VHL: variants seen among roughly 807,000 people sequenced by gnomAD.
VHL encodes the protein von Hippel-Lindau disease tumor suppressor.
A neutral mutation model predicts 19.2 loss-of-function variants in VHL; 10 were observed. The ratio of observed to expected loss-of-function variants is 0.52; its 90% CI spans 0.32 to 0.89. The LOEUF (loss-of-function observed/expected upper bound fraction) is 0.89. Ranked by LOEUF, VHL falls within the 40% of genes least tolerant of loss-of-function variation. The pLI is 0.03. For missense variants in VHL, 328 were observed against 292.7 expected, an observed-to-expected ratio of 1.12 and a Z score of -0.88; for synonymous variants, 167 against 129.5, an observed-to-expected ratio of 1.29 and a Z score of -1.97.
At chr3:10,149,640 A>C in intron 2 of VHL, 147 bp from the exon 3 acceptor site, 3 of 729,648 alleles carry the variant, frequency 4.1e-6, no homozygotes, top group Non-Finnish European at 7.3e-6. Context: ...TCAGCATAAC[A>C]CACTGCCACA....
At chr3:10,148,042 G>A (rs2125129407) in intron 2 of VHL, among the ~76,000 whole-genome samples, 1 of 151,792 alleles carries the variant, frequency 6.6e-6, no homozygotes, top group East Asian at 1.9e-4. Flanking sequence ...GCTGCAGTGA[G>A]CCATGATCAT....
rs1252338161 is a variant in VHL at position 10,141,993 on chromosome 3, G to A, written c.146G>A (p.Gly49Asp). 2 of 1,575,338 alleles carry A rather than the reference G, an allele frequency of 1.3e-6. No homozygotes were observed. Among genetic ancestry groups the A allele is most frequent in the Non-Finnish European group, 1.7e-6 (2 of 1,162,042 alleles). Reference protein sequence around the residue: ...GPEESGPEELGAEEEMEAGRP... With the variant: ...GPEESGPEELDAEEEMEAGRP... Reference sequence around the variant, plus strand: ...GAAGAGTCCGGCCCGGAGGAACTGGGCGCCGAGGAGGAGATGGAGGCCGGG... The same window carrying A: ...GAAGAGTCCGGCCCGGAGGAACTGGACGCCGAGGAGGAGATGGAGGCCGGG... Residue 49 changes from glycine (G) to aspartate (D), a missense_variant, in exon 1 of 3, where the codon GGC becomes GAC. By Grantham distance (94) the Gly-to-Asp change is moderately conservative. Coordinates refer to ENST00000256474, the MANE Select transcript of VHL (RefSeq NM_000551.4).
chr3:10,141,793 G>A lies in VHL; in HGVS notation c.-55G>A. The A allele has an allele frequency of 1.3e-6, 2 of 1,533,758 alleles. No homozygotes were observed. Among genetic ancestry groups the A allele is most frequent in the South Asian group, 1.2e-5 (1 of 83,194 alleles). On this transcript the variant is annotated 5_prime_UTR_variant, in exon 1 of 3. Transcript: ENST00000256474. ...GAGCGCGCACGCAGCTCCGCCCCGC[G>A]TCCGACCCGCGGATCCCGCGGCGTC...
Position 10,142,008 on chromosome 3 carries a change from T to TG in VHL, c.163dup (p.Glu55GlyfsTer77), listed in dbSNP as rs869025615. On this transcript the variant is annotated frameshift_variant, in exon 1 of 3. Coordinates refer to ENST00000256474, the MANE Select transcript of VHL (RefSeq NM_000551.4). LOFTEE classifies it high-confidence loss of function. ...GAGGAACTGGGCGCCGAGGAGGAGA[T>TG]GGAGGCCGGGCGGCCGCGGCCCGTG... 1 of 1,587,584 alleles carries TG rather than the reference T, an allele frequency of 6.3e-7. No individual in the cohort carries two copies. Among genetic ancestry groups the TG allele is most frequent in the Non-Finnish European group, 8.6e-7 (1 of 1,168,624 alleles).
At chr3:10,145,742 T>C (rs185958607) in intron 1 of VHL, among the ~76,000 whole-genome samples, 33 of 151,636 alleles carry the variant, frequency 2.2e-4, no homozygotes, top group African/African-American at 8.0e-4. Context: ...AAAATTCTGG[T>C]ATAATTTACA....
In VHL at chr3:10,146,572, T is replaced by C. The variant is rs750301189; in HGVS notation, c.399T>C (p.Thr133=). The C allele has an allele frequency of 6.2e-7, 1 of 1,614,032 alleles. No individual in the cohort carries two copies. The highest frequency in any genetic ancestry group is 8.5e-7 in the Non-Finnish European group (1 of 1,179,922). ...ACGATGGGCTTCTGGTTAACCAAAC[T>C]GAATTATTTGTGCCATCTCTCAATG... is the stretch of plus-strand genomic sequence containing the variant. ...GTHDGLLVNQ[T]ELFVPSLNVD... is the part of the protein sequence containing the mutation. The change falls in exon 2 of 3, where the codon ACT becomes ACC. Residue 133 remains threonine, a synonymous_variant. Coordinates refer to ENST00000256474, the MANE Select transcript of VHL (RefSeq NM_000551.4).
chr3:10,148,467 A>C, intron 2 of VHL, among the ~76,000 whole-genome samples: 1 of 149,978 alleles, frequency 6.7e-6, no homozygotes, highest in East Asian at 2.0e-4. Context: ...GGCGCCCGCC[A>C]CTACGCCCGG....
intron 2 of VHL, among the ~76,000 whole-genome samples, chr3:10,147,681 T>A (rs78320262): frequency 0.026 from 3,939 of 151,658 alleles, 182 homozygotes; most frequent in African/African-American, 0.091. Flanking sequence ...TTTTTTTTTT[T>A]AAATCATTGA....
chr3:10,141,836 A>C lies in VHL; in HGVS notation c.-12A>C. ...GCGGCGTCCGGCCCGGGTGGTCTGG[A>C]TCGCGGAGGGAATGCCCCGGAGGGC... On this transcript the variant is annotated 5_prime_UTR_variant, in exon 1 of 3. Coordinates refer to ENST00000256474, the MANE Select transcript of VHL (RefSeq NM_000551.4). 3 of 1,536,714 alleles carry C rather than the reference A, an allele frequency of 2.0e-6. No individual in the cohort carries two copies. In the East Asian group the frequency reaches 7.4e-5, roughly 38 times the overall value.
chr3:10,150,582 T>G lies in VHL; in HGVS notation c.*617T>G, dbSNP rs1482107025. ...AGAGGGGACCTTAAAATGTGTACAGTGAACAAATGTCTTAAAGGGAATCAT... is the reference window on the plus strand; with the variant it reads ...AGAGGGGACCTTAAAATGTGTACAGGGAACAAATGTCTTAAAGGGAATCAT... On this transcript the variant is annotated 3_prime_UTR_variant, in exon 3 of 3. Coordinates refer to ENST00000256474, the MANE Select transcript of VHL (RefSeq NM_000551.4). The G allele has an allele frequency of 4.1e-6, 1 of 241,866 alleles. No homozygotes were observed. Among genetic ancestry groups the G allele is most frequent in the Non-Finnish European group, 8.1e-6 (1 of 123,056 alleles). The allele number at this position is 241,866 out of a possible 1,614,324, so 15.0% of individuals were successfully genotyped here.
intron 1 of VHL, among the ~76,000 whole-genome samples, 198 bp downstream of exon 1, chr3:10,142,385 G>T (rs1349048546): frequency 7.4e-6 from 1 of 134,476 alleles, no homozygotes; most frequent in East Asian, 2.1e-4. Flanking sequence ...TCGCTCTGTC[G>T]CCCAGGCTGG....
In VHL at chr3:10,150,643, G is replaced by A. The variant is rs562171276; in HGVS notation, c.*678G>A. 8 of 234,610 alleles carry A rather than the reference G, an allele frequency of 3.4e-5. No individual in the cohort carries two copies. Among genetic ancestry groups the A allele is most frequent in the East Asian group, 3.0e-4 (5 of 16,532 alleles). The allele number at this position is 234,610 out of a possible 1,614,324, so 14.5% of individuals were successfully genotyped here. A position where few individuals can be genotyped will look rare whatever the true frequency, so the allele number is the denominator to read the frequency against. ...AGCATTTTTTATAATTTTCTAAGTC[G>A]TGCACTTTCTCGGTCCACTCTTGTT... On this transcript the variant is annotated 3_prime_UTR_variant, in exon 3 of 3. Transcript: ENST00000256474.
chr3:10,149,689 T>A (rs1022835238), intron 2 of VHL, 98 bp from the exon 3 acceptor site: 2 of 1,052,006 alleles, frequency 1.9e-6, no homozygotes, highest in African/African-American at 1.6e-5. Flanking sequence ...TAAAGTGAGA[T>A]CCATCAGTAG....
chr3:10,146,960 G>C (rs946385444), intron 2 of VHL, among the ~76,000 whole-genome samples: 2 of 152,184 alleles, frequency 1.3e-5, no homozygotes, highest in Non-Finnish European at 2.9e-5. Context: ...GGAGTTCCAG[G>C]AGAACAATGT....
chr3:10,142,296 G>T (rs1025407322), intron 1 of VHL, 109 bp downstream of exon 1: 9 of 1,254,890 alleles, frequency 7.2e-6, no homozygotes, highest in Admixed American at 6.2e-5. Context: ...GCCCCTTGAG[G>T]CAGGACACAT....
In VHL at chr3:10,152,369, C is replaced by CA. The variant is rs564788050; in HGVS notation, c.*2419dup. On this transcript the variant is annotated 3_prime_UTR_variant, in exon 3 of 3. Coordinates refer to ENST00000256474, the MANE Select transcript of VHL (RefSeq NM_000551.4). ...GTGTGACAGAGCAATACTCTTGTCT[C>CA]AAAAAAAAAAAAAAATTCAAATCAG... is the stretch of plus-strand genomic sequence containing the variant. The CA allele has an allele frequency of 0.029, 3,125 of 107,994 alleles. 39 individuals are homozygous for CA. The highest frequency in any genetic ancestry group is 0.051 in the South Asian group (167 of 3,296). The allele number at this position is 107,994 out of a possible 1,614,324, so 6.7% of individuals were successfully genotyped here.
At chr3:10,147,042 C>G (rs1027002468) in intron 2 of VHL, among the ~76,000 whole-genome samples, 1 of 152,112 alleles carries the variant, frequency 6.6e-6, no homozygotes, top group Non-Finnish European at 1.5e-5. Context: ...GACAGAATCT[C>G]GCTGTGTTAG....
At chr3:10,146,789 A>G (rs1170420442) in intron 2 of VHL, among the ~76,000 whole-genome samples, 153 bp downstream of exon 2, 1 of 151,242 alleles carries the variant, frequency 6.6e-6, no homozygotes, top group East Asian at 1.9e-4. Flanking sequence ...AATAAAATGG[A>G]AGTGATGTAT....
At chr3:10,145,074 G>A (rs1349660445) in intron 1 of VHL, among the ~76,000 whole-genome samples, 4 of 152,084 alleles carry the variant, frequency 2.6e-5, no homozygotes, top group Non-Finnish European at 5.9e-5. Flanking sequence ...CGCCTGTTTA[G>A]TCCCAGCTAC....
Sources: allele counts gnomAD v4.1 joint callset (sites outside exome capture counted in the v4.1 genomes callset), GRCh38; gene constraint gnomAD v4.1.1; transcripts MANE v1.5; gene names NCBI Gene and HGNC (gene_info 2026-07-23, HGNC 2026-07-21).